TMEM161B: variants seen among roughly 807,000 people sequenced by gnomAD.
TMEM161B encodes the protein transmembrane protein 161B.
Under a neutral mutation model 61.8 loss-of-function variants are expected in TMEM161B, and 34 were observed. That is an observed-to-expected ratio of 0.55 (90% CI 0.42 to 0.73). TMEM161B has a LOEUF of 0.73. Ranked by LOEUF, TMEM161B falls within the 30% of genes least tolerant of loss-of-function variation. TMEM161B has a pLI of 0.00. For synonymous variants in TMEM161B, 167 were observed against 192.8 expected, an observed-to-expected ratio of 0.87 and a Z score of 1.11; for missense variants, 456 against 558.5, an observed-to-expected ratio of 0.82 and a Z score of 1.85.
intron 2 of TMEM161B, 28 bp downstream of exon 2, chr5:88,240,785 A>C: frequency 6.8e-7 from 1 of 1,479,886 alleles, no homozygotes; most frequent in Non-Finnish European, 9.4e-7. Context: ...TGAAAGTGTC[A>C]GTTGAAATCA....
intron 1 of TMEM161B, among the ~76,000 whole-genome samples, chr5:88,253,707 T>C (rs1754634105): frequency 6.6e-6 from 1 of 151,976 alleles, no homozygotes; most frequent in Admixed American, 6.6e-5. Flanking sequence ...AAAAATAAAT[T>C]GAAGGGGTAA....
intron 5 of TMEM161B, among the ~76,000 whole-genome samples, chr5:88,213,020 A>G (rs890352362): frequency 3.9e-5 from 6 of 152,158 alleles, no homozygotes; most frequent in Non-Finnish European, 7.4e-5. Context: ...GAGTTTTTCT[A>G]TTCTGTGAAA....
intron 1 of TMEM161B, among the ~76,000 whole-genome samples, chr5:88,256,568 G>A (rs761215913): frequency 1.3e-5 from 2 of 152,132 alleles, no homozygotes; most frequent in African/African-American, 2.4e-5. Flanking sequence ...ACTATAAAAC[G>A]TTCATTGACT....
At chr5:88,211,481 C>G (rs569228569) in intron 5 of TMEM161B, among the ~76,000 whole-genome samples, 1 of 151,742 alleles carries the variant, frequency 6.6e-6, no homozygotes, top group Non-Finnish European at 1.5e-5. Context: ...AAGACAAGAC[C>G]GGGCGTGGTG....
intron 11 of TMEM161B, 123 bp downstream of exon 11, chr5:88,197,546 C>A (rs1749870531): frequency 1.2e-6 from 1 of 840,432 alleles, no homozygotes; most frequent in South Asian, 2.0e-5. Context: ...TCCCATGGTT[C>A]TTTTTACAAC....
intron 5 of TMEM161B, among the ~76,000 whole-genome samples, chr5:88,212,844 A>G (rs986067258): frequency 6.6e-6 from 1 of 152,232 alleles, no homozygotes; most frequent in African/African-American, 2.4e-5. Context: ...TTGAGAAGAA[A>G]TAGACCATAT....
At chr5:88,254,729 C>G (rs1240960679) in intron 1 of TMEM161B, among the ~76,000 whole-genome samples, 2 of 151,896 alleles carry the variant, frequency 1.3e-5, no homozygotes, top group Admixed American at 1.3e-4. Context: ...GTAATCCCAG[C>G]TATTCAGAAG....
intron 1 of TMEM161B, among the ~76,000 whole-genome samples, chr5:88,244,750 A>T (rs1418135430): frequency 6.6e-6 from 1 of 151,844 alleles, no homozygotes; most frequent in Non-Finnish European, 1.5e-5. Flanking sequence ...CCATTTGGAC[A>T]ATATTAATTC....
chr5:88,236,707 C>T (rs796354838), intron 2 of TMEM161B, among the ~76,000 whole-genome samples: 8 of 152,224 alleles, frequency 5.3e-5, no homozygotes, highest in African/African-American at 1.9e-4. Context: ...ACTTAGCATG[C>T]TTTTGGTAAT....
chr5:88,236,311 G>T (rs913310809), intron 2 of TMEM161B, among the ~76,000 whole-genome samples: 3 of 151,992 alleles, frequency 2.0e-5, no homozygotes, highest in African/African-American at 7.2e-5. Flanking sequence ...TGAGCAATTA[G>T]AAAAAACAGA....
rs1332482982 is a variant in TMEM161B, at chr5:88,205,946, A to G, written c.668T>C (p.Val223Ala). ...GAAAAATTTGAAAGTAAGTTTTGAA[A>G]CAGGACTCCTAAAAATAAAATTTTT... Reference protein sequence around the residue: ...EKQGLESQSPVSKLTFKFFLA... With the variant: ...EKQGLESQSPASKLTFKFFLA... The change falls in exon 8 of 12, where the codon GTT becomes GCT. Residue 223 changes from valine (V) to alanine (A), a missense_variant. By Grantham distance (64) the Val-to-Ala change is moderately conservative. Around this residue, in one of 3 missense-constraint regions of TMEM161B, gnomAD observed 367 missense variants for 427.3 expected, o/e 0.86. Coordinates refer to ENST00000296595, the MANE Select transcript of TMEM161B (RefSeq NM_153354.5). 3 of 1,599,676 alleles carry G rather than the reference A, an allele frequency of 1.9e-6. No individual in the cohort carries two copies. Among genetic ancestry groups the G allele is most frequent in the Non-Finnish European group, 2.6e-6 (3 of 1,174,138 alleles).
At chr5:88,256,125 C>G (rs184712682) in intron 1 of TMEM161B, among the ~76,000 whole-genome samples, 9 of 152,194 alleles carry the variant, frequency 5.9e-5, no homozygotes, top group Non-Finnish European at 1.0e-4. Flanking sequence ...TAATTAAACA[C>G]AAGTCACAAA....
intron 5 of TMEM161B, among the ~76,000 whole-genome samples, chr5:88,210,384 ATTTAT>A (rs1746474133): frequency 6.6e-6 from 1 of 152,192 alleles, no homozygotes; most frequent in African/African-American, 2.4e-5. Context: ...TTCTATGATA[ATTTAT>A]TTTAAGAGGT....
At position 88,240,927 on chromosome 5, in the gene TMEM161B, A is replaced by G. The variant is rs771746435; in HGVS notation, c.4-11T>C. The stretch of plus-strand genomic sequence containing the variant: ...TATACCTATCACACCCTGTGTAAAA[A>G]AAACAAACAAATTTAATAATGAATG... On this transcript the variant is annotated splice_polypyrimidine_tract_variant and intron_variant, in intron 1 of 11. Coordinates refer to ENST00000296595, the MANE Select transcript of TMEM161B (RefSeq NM_153354.5). 4.0e-6 allele frequency: 6 copies of G among 1,517,992 alleles called. 1 individual carries two copies. The highest frequency in any genetic ancestry group is 2.5e-5 in the South Asian group (2 of 79,570). The allele number at this position is 1,517,992 out of a possible 1,614,324, so 94.0% of individuals were successfully genotyped here.
intron 1 of TMEM161B, chr5:88,250,669 T>C (rs539784732): frequency 3.0e-4 from 46 of 152,294 alleles, no homozygotes; most frequent in African/African-American, 1.1e-3. Context: ...TTTAAAGACA[T>C]CTTCCAGTAA....
intron 2 of TMEM161B, among the ~76,000 whole-genome samples, chr5:88,240,328 C>T (rs1235897214): frequency 2.6e-5 from 4 of 151,786 alleles, no homozygotes; most frequent in African/African-American, 4.8e-5. Flanking sequence ...GTATTTTCTT[C>T]GAACAATAGC....
At position 88,206,475 on chromosome 5, in the gene TMEM161B, G is replaced by A. The variant is rs62369771; in HGVS notation, c.623C>T (p.Ala208Val). 6.4e-3 allele frequency: 10,139 copies of A among 1,592,722 alleles called. 43 individuals carry two copies. The highest frequency in any genetic ancestry group is 7.6e-3 in the Non-Finnish European group (8,924 of 1,170,052). The stretch of plus-strand genomic sequence containing the variant: ...ACCTTGCTTTTCAAGAAACTGCATC[G>A]CACTGTCTGAAAAATTTGTAAACCC... Reference protein sequence around the residue: ...ETGFTNFSDSAMQFLEKQGLE... With the variant: ...ETGFTNFSDSVMQFLEKQGLE... The change falls in exon 7 of 12, where the codon GCG (alanine) becomes GTG (valine). Residue 208 changes from alanine (A) to valine (V), a missense_variant. By Grantham distance (64) the Ala-to-Val change is moderately conservative. Transcript: ENST00000296595.
chr5:88,199,190 C>T (rs1448722778), intron 9 of TMEM161B, 40 bp from the exon 10 acceptor site: 1 of 1,556,776 alleles, frequency 6.4e-7, no homozygotes, highest in South Asian at 1.2e-5. Context: ...TCAAAGACAA[C>T]AATATGCTAG....
intron 2 of TMEM161B, among the ~76,000 whole-genome samples, chr5:88,229,347 G>A (rs1750588660): frequency 6.6e-6 from 1 of 151,984 alleles, no homozygotes; most frequent in African/African-American, 2.4e-5. Context: ...CTGCCCTACT[G>A]CAGAGACCTT....
Sources: allele counts gnomAD v4.1 joint callset (sites outside exome capture counted in the v4.1 genomes callset), GRCh38; gene constraint gnomAD v4.1.1; regional missense constraint gnomAD v4.1.1; transcripts MANE v1.5; gene names NCBI Gene and HGNC (gene_info 2026-07-23, HGNC 2026-07-21).